Variants in CSMD2 observed in about 807,000 individuals in gnomAD.
CSMD2 encodes the protein CUB and Sushi multiple domains 2, also known as CUB and sushi domain-containing protein 2.
CSMD2 carries 130 observed loss-of-function variants against 398.5 expected under a neutral mutation model. The ratio of observed to expected loss-of-function variants is 0.33; its 90% CI spans 0.28 to 0.38. The LOEUF (loss-of-function observed/expected upper bound fraction) is 0.38, where lower values mean the gene tolerates loss of function less well. Ranked by LOEUF, CSMD2 falls within the 10% of genes least tolerant of loss-of-function variation. The pLI, the probability that CSMD2 is intolerant of heterozygous loss-of-function variation, is 1.00. For missense variants in CSMD2, 3,829 were observed against 4,764.9 expected, an observed-to-expected ratio of 0.80 and a Z score of 5.78; for synonymous variants, 1,828 against 1,908.5, an observed-to-expected ratio of 0.96 and a Z score of 1.10.
At chr1:34,045,961 C>T (rs1404442940) in intron 2 of CSMD2, among the ~76,000 whole-genome samples, 2 of 152,232 alleles carry the variant, frequency 1.3e-5, no homozygotes, top group Non-Finnish European at 1.5e-5. Context: ...AAACGGTGCA[C>T]CAAGGTGCCC....
chr1:33,918,508 A>G (rs1196645304), intron 4 of CSMD2, among the ~76,000 whole-genome samples: 1 of 152,224 alleles, frequency 6.6e-6, no homozygotes, highest in Non-Finnish European at 1.5e-5. Flanking sequence ...CTGGGTTTTG[A>G]TGAATGAGTA....
chr1:33,646,915 C>A, intron 28 of CSMD2, 80 bp from the exon 29 acceptor site: 1 of 1,397,344 alleles, frequency 7.2e-7, no homozygotes, highest in South Asian at 1.3e-5. Context: ...TCAACCAAAG[C>A]ATAGGGCCTC....
intron 33 of CSMD2, among the ~76,000 whole-genome samples, chr1:33,625,904 G>A (rs1192668048): frequency 1.3e-5 from 2 of 152,188 alleles, no homozygotes; most frequent in African/African-American, 2.4e-5. Context: ...ACCTTTCTGG[G>A]CCAATAAGGA....
At chr1:33,520,012 C>T (rs959205836) in intron 68 of CSMD2, 62 bp from the exon 69 acceptor site, 12 of 1,583,394 alleles carry the variant, frequency 7.6e-6, no homozygotes, top group Non-Finnish European at 5.2e-6. Context: ...CCGTTGGCTA[C>T]CCTCCCCGAC....
rs1425031927 is a variant in CSMD2 at position 33,684,829 on chromosome 1, T to C, written c.4052+8101A>G. Among the ~76,000 whole-genome samples, 3 of 152,220 alleles carry C rather than the reference T, an allele frequency of 2.0e-5. No individual in the cohort carries two copies. The South Asian group carries it at 6.2e-4, about 32-fold the overall frequency. On this transcript the variant is annotated intron_variant, in intron 25 of 70. Coordinates refer to ENST00000373381, the MANE Select transcript of CSMD2 (RefSeq NM_001281956.2). ...AACTGCCATACAGAATTATGATCTG[T>C]CCTCGCAGACACTTTTCTATTGTGT...
intron 4 of CSMD2, among the ~76,000 whole-genome samples, chr1:33,927,779 T>C (rs1022192076): frequency 3.3e-5 from 5 of 152,114 alleles, no homozygotes. Context: ...TGCTCCCTTC[T>C]CTTCTGCCTG....
At chr1:33,903,299 A>G (rs1642872398) in intron 5 of CSMD2, among the ~76,000 whole-genome samples, 1 of 151,916 alleles carries the variant, frequency 6.6e-6, no homozygotes, top group African/African-American at 2.4e-5. Context: ...TCACATTGCA[A>G]TCAAACCTCT....
chr1:33,673,078 G>A (rs944502528), intron 25 of CSMD2, among the ~76,000 whole-genome samples: 1 of 152,270 alleles, frequency 6.6e-6, no homozygotes, highest in African/African-American at 2.4e-5. Flanking sequence ...AAGGAACGCA[G>A]CTCCTCACCA....
chr1:33,965,497 G>A (rs1645525824), intron 3 of CSMD2, among the ~76,000 whole-genome samples: 1 of 152,170 alleles, frequency 6.6e-6, no homozygotes. Context: ...TAAGTGTGAT[G>A]GTGAAGGATG....
At chr1:34,165,321 G>A (rs1015249238), upstream of CSMD2, 15 of 1,199,186 alleles carry the variant, frequency 1.3e-5, no homozygotes, top group Non-Finnish European at 1.3e-5. Flanking sequence ...GCGCCGGGGG[G>A]CGGGAGGGGG....
chr1:33,616,601 A>G (rs2148856640), intron 39 of CSMD2, among the ~76,000 whole-genome samples: 1 of 152,314 alleles, frequency 6.6e-6, no homozygotes, highest in East Asian at 1.9e-4. Context: ...GGGAAGCCCA[A>G]AGTGCCTAGA....
chr1:34,123,115 AT>A (rs1662360504), intron 1 of CSMD2, among the ~76,000 whole-genome samples: 1 of 152,164 alleles, frequency 6.6e-6, no homozygotes, highest in South Asian at 2.1e-4. Context: ...CTTTTGTGTG[AT>A]AGGTTCAAAG....
At chr1:34,088,908 GA>G in intron 2 of CSMD2, 68 bp downstream of exon 2, 1 of 1,301,656 alleles carries the variant, frequency 7.7e-7, no homozygotes, top group Non-Finnish European at 1.1e-6. Context: ...ACTCGAGAAA[GA>G]TCTTCCTCCT....
rs61750039 is a variant in CSMD2 at position 33,698,557 on chromosome 1, T to G, written c.3925+196A>C. On this transcript the variant is annotated intron_variant, in intron 24 of 70. Coordinates refer to ENST00000373381, the MANE Select transcript of CSMD2 (RefSeq NM_001281956.2). ...CCACCCGCCTGACTGCACTGCTGCA[T>G]GGGTGTAATGAGGTGTGAAAGTGAG... Among the ~76,000 whole-genome samples, 338 of 152,288 alleles carry G rather than the reference T, an allele frequency of 2.2e-3. 1 individual carries two copies. Among genetic ancestry groups the G allele is most frequent in the African/African-American group, 8.0e-3 (332 of 41,568 alleles).
chr1:33,830,363 T>TCC (rs1659390570), intron 6 of CSMD2, among the ~76,000 whole-genome samples: 2 of 151,952 alleles, frequency 1.3e-5, no homozygotes, highest in Admixed American at 6.5e-5. Flanking sequence ...GAAAATCTGC[T>TCC]GTTCTGCAGA....
chr1:33,929,791 C>T (rs1193334158), intron 4 of CSMD2, among the ~76,000 whole-genome samples: 1 of 152,076 alleles, frequency 6.6e-6, no homozygotes, highest in African/African-American at 2.4e-5. Flanking sequence ...CTAGCGTGTC[C>T]AGTACTTTCC....
intron 2 of CSMD2, among the ~76,000 whole-genome samples, chr1:34,054,519 A>C (rs975329881): frequency 6.6e-6 from 1 of 152,134 alleles, no homozygotes; most frequent in African/African-American, 2.4e-5. Context: ...CAGGAGATCG[A>C]GACCATCCTG....
chr1:34,104,596 G>A (rs1014539112), intron 1 of CSMD2, among the ~76,000 whole-genome samples: 7 of 152,168 alleles, frequency 4.6e-5, no homozygotes, highest in Admixed American at 1.3e-4. Flanking sequence ...ACTGCCCTAA[G>A]AGGAAACACA....
At position 33,902,220 on chromosome 1, in the gene CSMD2, T is replaced by A. The variant is rs562104588; in HGVS notation, c.920+15874A>T. On this transcript the variant is annotated intron_variant, in intron 5 of 70. Transcript: ENST00000373381. ...TAAAGGAAACACAGGGTATTTTTTT[T>A]AAAAGTTGGGGGTGTAACTGAGATG... 7.2e-5 allele frequency among the ~76,000 whole-genome samples: 11 copies of A among 152,178 alleles called. No individual in the cohort carries two copies. In the South Asian group the frequency reaches 1.0e-3, roughly 14 times the overall value.
Sources: allele counts gnomAD v4.1 joint callset (sites outside exome capture counted in the v4.1 genomes callset), GRCh38; gene constraint gnomAD v4.1.1; transcripts MANE v1.5; gene names NCBI Gene and HGNC (gene_info 2026-07-23, HGNC 2026-07-21).